The following COL4A3 variants were observed in gnomAD, a reference collection of about 807,000 sequenced individuals.
COL4A3 encodes the protein collagen alpha-3(IV) chain.
Under a neutral mutation model 217.4 loss-of-function variants are expected in COL4A3, and 135 were observed. The ratio of observed to expected loss-of-function variants is 0.62; its 90% confidence interval spans 0.54 to 0.72. COL4A3 has a LOEUF of 0.72. COL4A3 is among the 30% of genes least tolerant of loss of function. COL4A3 has a pLI of 0.00. For synonymous variants in COL4A3, 690 were observed against 736.3 expected, an observed-to-expected ratio of 0.94 and a Z score of 1.02; for missense variants, 1,868 against 2,119.9, an observed-to-expected ratio of 0.88 and a Z score of 2.33.
chr2:227,222,055 G>A (rs1351853007), intron 1 of COL4A3, among the ~76,000 whole-genome samples: 1 of 151,030 alleles, frequency 6.6e-6, no homozygotes, highest in Admixed American at 6.6e-5. Flanking sequence ...TTAAGAGGCT[G>A]AGATGGGAGG....
rs891988878 is a variant in COL4A3 at position 227,299,328 on chromosome 2, G to A, written c.3882+516G>A. 2.6e-5 allele frequency among the ~76,000 whole-genome samples: 4 copies of A among 152,300 alleles called. No homozygotes were observed. The South Asian group carries it at 8.3e-4, about 32-fold the overall frequency. On this transcript the variant is annotated intron_variant, in intron 43 of 51. Transcript: ENST00000396578. Reference sequence around the variant, plus strand: ...GAGAATGGCGTGAACCCGGGAGGCGGAGCTTGCAGTGAGCCGAGATAGCGC... The same window carrying A: ...GAGAATGGCGTGAACCCGGGAGGCGAAGCTTGCAGTGAGCCGAGATAGCGC...
rs1308524180 is a variant in COL4A3, at chr2:227,267,069, T to C, written c.1485T>C (p.His495=). 4 of 1,613,812 alleles carry C rather than the reference T, an allele frequency of 2.5e-6. No homozygotes were observed. Among genetic ancestry groups the C allele is most frequent in the East Asian group, 2.2e-5 (1 of 44,872 alleles). Reference sequence around the variant, plus strand: ...GTCTCCCAGGATTGCCAGGGTTACATGGTGTAAAAGGAATCCCAGGTACAA... The same window carrying C: ...GTCTCCCAGGATTGCCAGGGTTACACGGTGTAAAAGGAATCCCAGGTACAA... ...PPGLPGLPGL[H]GVKGIPGRQG... Residue 495 remains histidine (H), a synonymous_variant, in exon 23 of 52, where the codon CAT becomes CAC. Transcript: ENST00000396578.
At chr2:227,275,783 T>G (rs1469065013) in intron 26 of COL4A3, among the ~76,000 whole-genome samples, 1 of 152,202 alleles carries the variant, frequency 6.6e-6, no homozygotes, top group Non-Finnish European at 1.5e-5. Flanking sequence ...TATCAAAACT[T>G]ACTGTTTTGT....
At chr2:227,232,695 C>G (rs1010166905) in intron 1 of COL4A3, among the ~76,000 whole-genome samples, 22 of 152,078 alleles carry the variant, frequency 1.4e-4, no homozygotes, top group Non-Finnish European at 2.8e-4. Context: ...CTATTCAAAT[C>G]TTTTGCCCAT....
intron 1 of COL4A3, among the ~76,000 whole-genome samples, chr2:227,185,974 C>G (rs1054545872): frequency 6.6e-6 from 1 of 152,210 alleles, no homozygotes; most frequent in Non-Finnish European, 1.5e-5. Flanking sequence ...ACCTGGAATT[C>G]TAGACCTGTG....
intron 37 of COL4A3, among the ~76,000 whole-genome samples, chr2:227,292,783 A>G (rs562883586): frequency 6.6e-6 from 1 of 152,318 alleles, no homozygotes; most frequent in African/African-American, 2.4e-5. Context: ...TTTAATATCT[A>G]TCTCCTTACT....
chr2:227,220,370 A>G (rs1185194337), intron 1 of COL4A3, among the ~76,000 whole-genome samples: 2 of 151,754 alleles, frequency 1.3e-5, no homozygotes, highest in Non-Finnish European at 2.9e-5. Context: ...TTTATTAGAG[A>G]CCGGGTTTCT....
chr2:227,286,874 A>G (rs1370287717), intron 34 of COL4A3, among the ~76,000 whole-genome samples: 4 of 152,234 alleles, frequency 2.6e-5, no homozygotes, highest in South Asian at 2.1e-4. Flanking sequence ...CTCCAGCCAC[A>G]TGACATTTAT....
At chr2:227,167,130 C>T (rs1375998085) in intron 1 of COL4A3, among the ~76,000 whole-genome samples, 3 of 152,202 alleles carry the variant, frequency 2.0e-5, no homozygotes, top group Admixed American at 2.0e-4. Flanking sequence ...GTGGGCCAAA[C>T]AATGTATAAG....
intron 1 of COL4A3, among the ~76,000 whole-genome samples, chr2:227,224,919 T>G (rs72977832): frequency 0.11 from 16,779 of 152,274 alleles, 1,068 homozygotes; most frequent in East Asian, 0.29. Flanking sequence ...AGTTTTGTTT[T>G]GTTCTTGTTT....
chr2:227,217,188 A>G (rs2067557564), intron 1 of COL4A3, among the ~76,000 whole-genome samples: 1 of 152,230 alleles, frequency 6.6e-6, no homozygotes, highest in Middle Eastern at 3.2e-3. Flanking sequence ...TTATGAAACC[A>G]TCAGCTCTCA....
chr2:227,280,545 G>T lies in COL4A3; in HGVS notation c.2329G>T (p.Gly777Cys). Residue 777 changes from glycine (G) to cysteine (C), a missense_variant, in exon 30 of 52, where the codon GGT becomes TGT. Around this residue, in one of 2 missense-constraint regions of COL4A3, gnomAD observed 1,503 missense variants for 1,786.1 expected, o/e 0.84. Transcript: ENST00000396578. ...HGEIGLPGLP[G>C]LPGTPGNEGL... is the part of the protein sequence containing the mutation. ...AGAAATTGGACTCCCTGGACTTCCA[G>T]GTCTCCCTGGAACTCCAGGAAATGA... is the stretch of plus-strand genomic sequence containing the variant. 1.2e-6 allele frequency: 2 copies of T among 1,614,100 alleles called. No homozygotes were observed. Among genetic ancestry groups the T allele is most frequent in the Non-Finnish European group, 1.7e-6 (2 of 1,179,996 alleles).
intron 43 of COL4A3, among the ~76,000 whole-genome samples, chr2:227,302,677 C>CAAAAAAAAAAAAA (rs56065709): frequency 0.016 from 1,276 of 79,780 alleles, 176 homozygotes; most frequent in Middle Eastern, 0.036. Context: ...ACTCTTTCTC[C>CAAAAAAAAAAAAA]AAAAAAAAAA....
intron 20 of COL4A3, among the ~76,000 whole-genome samples, chr2:227,262,088 A>G (rs941741473): frequency 1.3e-5 from 2 of 152,234 alleles, no homozygotes; most frequent in African/African-American, 4.8e-5. Flanking sequence ...ATCAAAATAA[A>G]GCAGACTGCA....
chr2:227,306,234 A>C (rs2073496470), intron 47 of COL4A3, among the ~76,000 whole-genome samples: 1 of 152,236 alleles, frequency 6.6e-6, no homozygotes. Flanking sequence ...CTAATTAGCA[A>C]GTAGACAGTT....
intron 1 of COL4A3, among the ~76,000 whole-genome samples, chr2:227,167,661 G>A (rs1006508921): frequency 7.9e-5 from 12 of 152,156 alleles, no homozygotes; most frequent in African/African-American, 2.7e-4. Flanking sequence ...CCTTCTCACC[G>A]GGCTTCATTT....
intron 8 of COL4A3, chr2:227,248,222 G>T: frequency 2.1e-6 from 1 of 465,594 alleles, no homozygotes; most frequent in East Asian, 4.7e-5. Flanking sequence ...TTACAGGCAT[G>T]TGCCACTGTA....
chr2:227,208,787 CACACACACACACACACACATATAT>C (rs1329363242), intron 1 of COL4A3, among the ~76,000 whole-genome samples: 2 of 147,052 alleles, frequency 1.4e-5, no homozygotes, highest in Admixed American at 6.9e-5. Context: ...CACACACACA[CACACACACACACACACACATATAT>C]ACAGAAGGAG....
chr2:227,277,602 A>T, intron 28 of COL4A3, 49 bp downstream of exon 28: 1 of 1,072,284 alleles, frequency 9.3e-7, no homozygotes. Context: ...GATATTTAGA[A>T]GATGTTCATA....
Sources: gnomAD v4.1 joint callset for allele counts (sites outside exome capture counted in the v4.1 genomes callset) on GRCh38, gnomAD v4.1.1 for gene constraint, gnomAD v4.1.1 regional missense constraint, MANE v1.5 for transcripts, NCBI Gene and HGNC (gene_info 2026-07-23, HGNC 2026-07-21) for gene names.